The following ABCC4 variants were observed in gnomAD, a reference collection of about 807,000 sequenced individuals.
The protein encoded by ABCC4 is ATP binding cassette subfamily C member 4 (PEL blood group).
In ABCC4, 102 loss-of-function variants were observed where a neutral mutation model predicts 168.5. That is an observed-to-expected ratio of 0.61 (90% CI 0.52 to 0.71). The LOEUF is 0.71. ABCC4 is among the 30% of genes least tolerant of loss of function. The pLI is 0.00. For missense variants in ABCC4, 1,402 were observed against 1,605.8 expected (o/e 0.87, Z 2.17); for synonymous variants, 617 against 590.7 (o/e 1.04, Z -0.65).
chr13:95,254,340 T>C (rs1366899595), intron 1 of ABCC4, among the ~76,000 whole-genome samples: 1 of 152,168 alleles, frequency 6.6e-6, no homozygotes, highest in Non-Finnish European at 1.5e-5. Flanking sequence ...AATAGTTTTC[T>C]GAAATGATGG....
intron 1 of ABCC4, among the ~76,000 whole-genome samples, chr13:95,267,221 C>T (rs771689295): frequency 1.1e-4 from 17 of 152,010 alleles, no homozygotes; most frequent in Non-Finnish European, 1.9e-4. Context: ...ACAGTTCCCC[C>T]GTGTTGTGAG....
At chr13:95,251,812 A>G (rs1172703947) in intron 1 of ABCC4, among the ~76,000 whole-genome samples, 3 of 152,200 alleles carry the variant, frequency 2.0e-5, no homozygotes, top group Non-Finnish European at 2.9e-5. Context: ...TCGATGCTAT[A>G]CAGTCATCCC....
At chr13:95,282,367 C>T (rs1454330411) in intron 1 of ABCC4, among the ~76,000 whole-genome samples, 1 of 152,082 alleles carries the variant, frequency 6.6e-6, no homozygotes, top group Admixed American at 6.6e-5. Flanking sequence ...GAAGTGCACC[C>T]TTGCAGCACA....
intron 29 of ABCC4, among the ~76,000 whole-genome samples, chr13:95,035,361 C>T (rs912191018): frequency 6.6e-6 from 1 of 152,106 alleles, no homozygotes; most frequent in African/African-American, 2.4e-5. Context: ...TTTATTATTC[C>T]GAGAGAGAAA....
intron 19 of ABCC4, among the ~76,000 whole-genome samples, chr13:95,133,531 T>C (rs759447715): frequency 7.2e-5 from 11 of 152,144 alleles, no homozygotes; most frequent in Non-Finnish European, 1.3e-4. Flanking sequence ...ACGTGGACAC[T>C]CAGCACCCAA....
chr13:95,105,238 C>T (rs531367792), intron 20 of ABCC4, among the ~76,000 whole-genome samples: 68 of 152,116 alleles, frequency 4.5e-4, no homozygotes, highest in Non-Finnish European at 7.9e-4. Context: ...ATGCCGCCGA[C>T]GATCTGACAG....
At chr13:95,203,909 G>A (rs1594291907) in intron 8 of ABCC4, among the ~76,000 whole-genome samples, 1 of 152,134 alleles carries the variant, frequency 6.6e-6, no homozygotes, top group East Asian at 1.9e-4. Context: ...TCTAGTGCAG[G>A]CTGGGCCACC....
intron 20 of ABCC4, among the ~76,000 whole-genome samples, chr13:95,103,257 T>A (rs1366176539): frequency 1.3e-5 from 2 of 152,034 alleles, no homozygotes; most frequent in Admixed American, 1.3e-4. Flanking sequence ...AGAGCGAGAC[T>A]CCGTCTCAAA....
At chr13:95,292,259 T>C (rs2041422190) in intron 1 of ABCC4, among the ~76,000 whole-genome samples, 1 of 152,080 alleles carries the variant, frequency 6.6e-6, no homozygotes, top group Non-Finnish European at 1.5e-5. Context: ...CTCAGGGGGC[T>C]GAGGTGGAAG....
At chr13:95,212,172 C>CAAAA (rs61656577) in intron 4 of ABCC4, among the ~76,000 whole-genome samples, 17,210 of 122,964 alleles carry the variant, frequency 0.14, 1,403 homozygotes, top group Middle Eastern at 0.19. Flanking sequence ...GAGACTGTCT[C>CAAAA]AAAAAAAAAA....
chr13:95,153,922 C>A (rs1464600359), intron 19 of ABCC4, among the ~76,000 whole-genome samples: 1 of 152,108 alleles, frequency 6.6e-6, no homozygotes, highest in East Asian at 1.9e-4. Flanking sequence ...AGGAGCAACT[C>A]CCATAAAATA....
At chr13:95,131,142 A>G (rs1034717311) in intron 19 of ABCC4, among the ~76,000 whole-genome samples, 1 of 152,188 alleles carries the variant, frequency 6.6e-6, no homozygotes, top group African/African-American at 2.4e-5. Context: ...AAGACTTCTT[A>G]TGCCAAGCCT....
chr13:95,301,173 G>GGCCCC, intron 1 of ABCC4, 68 bp downstream of exon 1: 1 of 1,440,576 alleles, frequency 6.9e-7, no homozygotes, highest in Middle Eastern at 1.8e-4. Flanking sequence ...CATCGGGCGC[G>GGCCCC]GCCCCGGGAG....
chr13:95,081,964 C>T (rs931798688), intron 21 of ABCC4, among the ~76,000 whole-genome samples: 4 of 152,150 alleles, frequency 2.6e-5, no homozygotes. Flanking sequence ...TGCGCCACTG[C>T]ACTCCAGCCT....
rs1040440520 is a variant in ABCC4, at chr13:95,076,573, T to C, written c.2687-1022A>G. On this transcript the variant is annotated intron_variant, in intron 21 of 30. Coordinates refer to ENST00000645237, the MANE Select transcript of ABCC4 (RefSeq NM_005845.5). ...CGACCTGCCCCCGTTCAAGCGATTC[T>C]CCTGCCTCAGCCCCCTAAGTAGCTG... 2.0e-4 allele frequency among the ~76,000 whole-genome samples: 30 copies of C among 150,974 alleles called. 1 individual carries two copies. Among genetic ancestry groups the C allele is most frequent in the Admixed American group, 1.9e-3 (29 of 15,140 alleles).
chr13:95,219,236 T>A (rs2039243086), intron 4 of ABCC4, among the ~76,000 whole-genome samples: 1 of 152,176 alleles, frequency 6.6e-6, no homozygotes, highest in Admixed American at 6.5e-5. Flanking sequence ...GACCCTGCTA[T>A]CACCAGTTTC....
intron 4 of ABCC4, among the ~76,000 whole-genome samples, chr13:95,222,369 A>G (rs1198169047): frequency 6.6e-6 from 1 of 152,212 alleles, no homozygotes; most frequent in African/African-American, 2.4e-5. Context: ...GAGCTAGGAC[A>G]CCACTTTCCG....
intron 20 of ABCC4, among the ~76,000 whole-genome samples, chr13:95,103,655 G>T (rs1460048106): frequency 1.3e-5 from 2 of 152,250 alleles, no homozygotes; most frequent in East Asian, 3.9e-4. Flanking sequence ...TTCTGACCTG[G>T]ATGTCCTAAA....
At chr13:95,203,884 G>A (rs909178812) in intron 8 of ABCC4, among the ~76,000 whole-genome samples, 4 of 152,114 alleles carry the variant, frequency 2.6e-5, no homozygotes, top group Non-Finnish European at 4.4e-5. Context: ...TTCCTCGCTC[G>A]GCCTTCCTCT....
Sources: gnomAD v4.1 joint callset for allele counts (sites outside exome capture counted in the v4.1 genomes callset) on GRCh38, gnomAD v4.1.1 for gene constraint, MANE v1.5 for transcripts, NCBI Gene and HGNC (gene_info 2026-07-23, HGNC 2026-07-21) for gene names.